FEZ2: variants seen among roughly 807,000 people sequenced by gnomAD.
FEZ2 encodes the protein fasciculation and elongation protein zeta 2, also known as fasciculation and elongation protein zeta-2.
Under a neutral mutation model 40.4 loss-of-function variants are expected in FEZ2, and 51 were observed. The ratio of observed to expected loss-of-function variants is 1.26; its 90% CI spans 1.01 to 1.59. FEZ2 has a LOEUF of 1.59. Ranked by LOEUF, FEZ2 falls within the 40% of genes most tolerant of loss-of-function variation. The pLI, the probability that FEZ2 is intolerant of heterozygous loss-of-function variation, is 0.00. For missense variants in FEZ2, 640 were observed against 438.3 expected (o/e 1.46, Z -4.11); for synonymous variants, 242 against 172.0 (o/e 1.41, Z -3.18).
Position 36,598,137 on chromosome 2 carries a change from C to T in FEZ2, c.6G>A (p.Ala2=), listed in dbSNP as rs1291834550. The T allele has an allele frequency of 9.5e-6, 14 of 1,476,160 alleles. No homozygotes were observed. The East Asian group carries it at 3.3e-4, about 35-fold the overall frequency. The allele number at this position is 1,476,160 out of a possible 1,614,324, so 91.4% of individuals were successfully genotyped here. Residue 2 remains alanine, a synonymous_variant, in exon 1 of 8, where the codon GCG becomes GCA. Transcript: ENST00000405912. M[A]ADGDWQDFYE... ...AGAAATCCTGCCAGTCCCCGTCCGC[C>T]GCCATCGCCGCCCGGAGCAGTCGCG...
intron 7 of FEZ2, 37 bp downstream of exon 7, chr2:36,555,646 C>T (rs765492760): frequency 8.0e-7 from 1 of 1,249,328 alleles, no homozygotes; most frequent in Non-Finnish European, 1.1e-6. Context: ...TAATCCAAAC[C>T]TCCCAGCCAT....
chr2:36,553,826 G>A (rs1033871040), intron 7 of FEZ2, among the ~76,000 whole-genome samples: 23 of 152,216 alleles, frequency 1.5e-4, no homozygotes, highest in Admixed American at 9.8e-4. Flanking sequence ...CCCAAAAAAG[G>A]GGAAGGAGTA....
At chr2:36,577,460 T>C (rs867306503) in intron 5 of FEZ2, among the ~76,000 whole-genome samples, 8 of 152,192 alleles carry the variant, frequency 5.3e-5, no homozygotes, top group Admixed American at 1.3e-4. Context: ...TTTCTCCATG[T>C]TGAGGCTGGT....
chr2:36,570,432 T>C (rs1030605705), intron 5 of FEZ2, among the ~76,000 whole-genome samples: 1 of 152,202 alleles, frequency 6.6e-6, no homozygotes, highest in African/African-American at 2.4e-5. Flanking sequence ...TTAATATTAA[T>C]GTGGAAACTA....
chr2:36,558,828 G>C (rs1474377442), intron 5 of FEZ2: 2 of 188,318 alleles, frequency 1.1e-5, no homozygotes, highest in African/African-American at 4.7e-5. Context: ...TTAAAGTGAA[G>C]TATTATCTCA....
intron 5 of FEZ2, 28 bp from the exon 6 acceptor site, chr2:36,558,541 A>G: frequency 7.2e-7 from 1 of 1,392,176 alleles, no homozygotes; most frequent in South Asian, 1.4e-5. Context: ...AAAAAGTGTC[A>G]CTTAAATCGG....
In FEZ2 at chr2:36,598,157, G is replaced by T. The variant is rs1214166085; in HGVS notation, c.-15C>A. 1 of 1,441,792 alleles carries T rather than the reference G, an allele frequency of 6.9e-7. No homozygotes were observed. Among genetic ancestry groups the T allele is most frequent in the Non-Finnish European group, 9.1e-7 (1 of 1,103,278 alleles). The allele number at this position is 1,441,792 out of a possible 1,614,324, so 89.3% of individuals were successfully genotyped here. On this transcript the variant is annotated 5_prime_UTR_variant, in exon 1 of 8. In the 5' UTR this introduces an upstream ATG that the reference lacks. Transcript: ENST00000405912. ...TCCGCCGCCATCGCCGCCCGGAGCA[G>T]TCGCGCGCCCCGCCCAGGCCGGCCC...
At chr2:36,567,490 G>C (rs929185242) in intron 5 of FEZ2, among the ~76,000 whole-genome samples, 1 of 151,980 alleles carries the variant, frequency 6.6e-6, no homozygotes, top group African/African-American at 2.4e-5. Context: ...GGCCAGGCAC[G>C]GAGGCTCACG....
intron 2 of FEZ2, among the ~76,000 whole-genome samples, chr2:36,584,368 G>T (rs964472475): frequency 1.3e-5 from 2 of 152,080 alleles, no homozygotes; most frequent in Non-Finnish European, 2.9e-5. Context: ...CAGCCCTGGG[G>T]GATTGCACCA....
intron 5 of FEZ2, among the ~76,000 whole-genome samples, chr2:36,566,202 C>T (rs574665260): frequency 8.4e-4 from 128 of 152,134 alleles, no homozygotes; most frequent in African/African-American, 2.9e-3. Context: ...TCGCCAGGCA[C>T]GGTGGCGGGC....
Position 36,555,708 on chromosome 2 carries a change from G to C in FEZ2, c.1020C>G (p.Ser340Arg). 6.3e-7 allele frequency: 1 copy of C among 1,597,414 alleles called. No individual in the cohort carries two copies. Among genetic ancestry groups the C allele is most frequent in the East Asian group, 2.2e-5 (1 of 44,652 alleles). Reference protein sequence around the residue: ...AMKEDSEKVPSLLTDYILKVL... With the variant: ...AMKEDSEKVPRLLTDYILKVL... Reference sequence around the variant, plus strand: ...CTTTCAGAATATAATCAGTTAACAAGCTCGGAACTTTTTCACTGTCCTCCT... The same window carrying C: ...CTTTCAGAATATAATCAGTTAACAACCTCGGAACTTTTTCACTGTCCTCCT... The change falls in exon 7 of 8, where the codon AGC becomes AGG. Residue 340 changes from serine to arginine, a missense_variant. Ser to Arg is a moderately radical substitution (Grantham distance 110). Transcript: ENST00000405912.
intron 1 of FEZ2, among the ~76,000 whole-genome samples, chr2:36,592,162 C>A (rs569650792): frequency 6.6e-6 from 1 of 152,224 alleles, no homozygotes; most frequent in African/African-American, 2.4e-5. Flanking sequence ...GAAAAAAACA[C>A]CCTAAAATGT....
chr2:36,557,664 A>C (rs943316135), intron 6 of FEZ2: 2 of 152,166 alleles, frequency 1.3e-5, no homozygotes, highest in African/African-American at 4.8e-5. Flanking sequence ...TACATATATT[A>C]ATCTATTTAC....
At position 36,578,665 on chromosome 2, in the gene FEZ2, T is replaced by C; in HGVS notation, c.835A>G (p.Lys279Glu). ...CTGCCATTTTTTAGTTTCTTTTTCT[T>C]TTTTGCTGTTTCTTTGTGCTCTTTC... ...KQKEHKETAK[K>E]KKKLKNGSSQ... Residue 279 changes from lysine to glutamate, a missense_variant, in exon 5 of 8, where the codon AAG becomes GAG. Transcript: ENST00000405912. 6.2e-7 allele frequency: 1 copy of C among 1,613,818 alleles called. No individual in the cohort carries two copies. The highest frequency in any genetic ancestry group is 8.5e-7 in the Non-Finnish European group (1 of 1,179,850).
At chr2:36,578,339 C>T (rs1299537754) in intron 5 of FEZ2, among the ~76,000 whole-genome samples, 2 of 152,058 alleles carry the variant, frequency 1.3e-5, no homozygotes, top group Non-Finnish European at 2.9e-5. Context: ...TCCTTTTTTG[C>T]CCCCTCTTCC....
intron 1 of FEZ2, among the ~76,000 whole-genome samples, chr2:36,596,319 G>A (rs1669220725): frequency 6.6e-6 from 1 of 152,134 alleles, no homozygotes; most frequent in African/African-American, 2.4e-5. Flanking sequence ...TGATAAATCT[G>A]TTTGTTTCAC....
intron 5 of FEZ2, among the ~76,000 whole-genome samples, chr2:36,576,559 C>T (rs1366885944): frequency 1.3e-5 from 2 of 152,238 alleles, no homozygotes; most frequent in Admixed American, 6.5e-5. Context: ...GCGTGAGCCA[C>T]CGCGCCCGGC....
intron 1 of FEZ2, among the ~76,000 whole-genome samples, chr2:36,594,827 G>C (rs900051814): frequency 2.6e-5 from 4 of 152,226 alleles, no homozygotes; most frequent in Non-Finnish European, 5.9e-5. Flanking sequence ...AGGCAAATGG[G>C]ATGGAATATT....
intron 5 of FEZ2, among the ~76,000 whole-genome samples, chr2:36,568,622 A>C (rs1231724077): frequency 1.3e-5 from 2 of 152,196 alleles, no homozygotes; most frequent in Non-Finnish European, 2.9e-5. Flanking sequence ...CTCAGGATGG[A>C]ATTTTTGATA....
Sources: gnomAD v4.1 joint callset for allele counts (sites outside exome capture counted in the v4.1 genomes callset) on GRCh38, gnomAD v4.1.1 for gene constraint, MANE v1.5 for transcripts, NCBI Gene and HGNC (gene_info 2026-07-23, HGNC 2026-07-21) for gene names.